The following PRKN variants were observed in gnomAD, a reference collection of about 807,000 sequenced individuals.
The protein encoded by PRKN is E3 ubiquitin-protein ligase parkin.
Under a neutral mutation model 59.5 loss-of-function variants are expected in PRKN, and 56 were observed. That is an observed-to-expected ratio of 0.94 (90% CI 0.76 to 1.18). The LOEUF (loss-of-function observed/expected upper bound fraction) is 1.18. PRKN is among the 50% of genes most tolerant of loss of function. The pLI is 0.00. For missense variants in PRKN, 657 were observed against 596.4 expected (o/e 1.10, Z -1.06); for synonymous variants, 250 against 222.1 (o/e 1.13, Z -1.12).
chr6:162,452,434 A>G (rs1283757734), intron 1 of PRKN, among the ~76,000 whole-genome samples: 2 of 152,080 alleles, frequency 1.3e-5, no homozygotes, highest in Admixed American at 6.5e-5. Context: ...TGGGGAGTTT[A>G]GAACATATAA....
chr6:161,709,872 T>A (rs960827867), intron 7 of PRKN, among the ~76,000 whole-genome samples: 3 of 152,210 alleles, frequency 2.0e-5, no homozygotes, highest in Non-Finnish European at 4.4e-5. Context: ...ACCTTAAATG[T>A]CTTTGGAATA....
chr6:162,405,561 G>A (rs373787987), intron 2 of PRKN, among the ~76,000 whole-genome samples: 4 of 152,240 alleles, frequency 2.6e-5, no homozygotes, highest in East Asian at 1.9e-4. Context: ...ACATTTACAT[G>A]CTAAAGCTCT....
intron 3 of PRKN, among the ~76,000 whole-genome samples, chr6:162,224,733 C>A (rs1311000006): frequency 4.6e-5 from 7 of 152,056 alleles, no homozygotes; most frequent in Non-Finnish European, 1.0e-4. Flanking sequence ...GGGCACGGAC[C>A]CACCCTGACC....
At position 161,483,174 on chromosome 6, in the gene PRKN, CAA is replaced by C. The variant is rs3032884; in HGVS notation, c.1083+65678_1083+65679del. ...CTCGTGACAACTAACAATTGTGTTT[CAA>C]AAAAAAAAAAAAAAACATGCATTGT... On this transcript the variant is annotated intron_variant, in intron 9 of 11. Transcript: ENST00000366898. The surrounding 1 kb of genome is among the most constrained non-coding windows in gnomAD (Gnocchi z 5.0). Among the ~76,000 whole-genome samples, 57,302 of 128,240 alleles carry C rather than the reference CAA, an allele frequency of 0.45. 13,404 individuals are homozygous for C. The highest frequency in any genetic ancestry group is 0.62 in the Middle Eastern group (148 of 238). The allele number at this position is 128,240 out of a possible 152,430, so 84.1% of individuals were successfully genotyped here.
chr6:162,015,475 T>C (rs1427770816), intron 5 of PRKN, among the ~76,000 whole-genome samples: 1 of 152,146 alleles, frequency 6.6e-6, no homozygotes, highest in Non-Finnish European at 1.5e-5. Context: ...GGCTGTAATA[T>C]TCTCCCGTTC....
chr6:161,520,032 T>C (rs1319100283), intron 9 of PRKN, among the ~76,000 whole-genome samples: 2 of 152,088 alleles, frequency 1.3e-5, no homozygotes, highest in Non-Finnish European at 2.9e-5. Context: ...TGAGGAAACT[T>C]GTGTTTCCAA....
chr6:162,591,219 C>T (rs746861230), intron 1 of PRKN, among the ~76,000 whole-genome samples: 7 of 149,328 alleles, frequency 4.7e-5, no homozygotes, highest in Non-Finnish European at 9.0e-5. Context: ...CAGAATGATA[C>T]TTTCTTTTTT....
intron 9 of PRKN, among the ~76,000 whole-genome samples, chr6:161,404,824 C>A (rs1305798546): frequency 6.6e-6 from 1 of 152,192 alleles, no homozygotes; most frequent in Non-Finnish European, 1.5e-5. Context: ...GCCACACCTG[C>A]CCCTTTATTG....
chr6:162,413,021 C>G (rs1788425007), intron 2 of PRKN, among the ~76,000 whole-genome samples: 1 of 152,058 alleles, frequency 6.6e-6, no homozygotes. Context: ...AAACCTGATA[C>G]CATGAAAACA....
chr6:161,914,481 T>G (rs1289447887), intron 6 of PRKN, among the ~76,000 whole-genome samples: 7 of 152,078 alleles, frequency 4.6e-5, no homozygotes, highest in Admixed American at 4.6e-4. Flanking sequence ...GAATAGGGAA[T>G]AAAGAAGACT....
rs34838356 is a variant in PRKN at position 162,414,726 on chromosome 6, A to AAAAAAAAAAAAAAAAT, written c.171+28583_171+28584insATTTTTTTTTTTTTTT. 2.3e-4 allele frequency among the ~76,000 whole-genome samples: 21 copies of AAAAAAAAAAAAAAAAT among 91,872 alleles called. 1 individual carries two copies. The highest frequency in any genetic ancestry group is 7.2e-4 in the African/African-American group (16 of 22,070). 60.3% of individuals were successfully genotyped at this position (91,872 alleles called of 152,430 possible). ...ACTCCGTCTCAAAAAAAAAAAAAAA[A>AAAAAAAAAAAAAAAAT]AGTGAATCTTTGAAGTTTTAAAATA... is the stretch of plus-strand genomic sequence containing the variant. On this transcript the variant is annotated intron_variant, in intron 2 of 11. Transcript: ENST00000366898.
In PRKN at chr6:161,592,827, C is replaced by T. The variant is rs1007125425; in HGVS notation, c.872-23411G>A. On this transcript the variant is annotated intron_variant, in intron 7 of 11. Transcript: ENST00000366898. This position sits in a 1 kb window ranked among gnomAD's most constrained non-coding sequence, Gnocchi z 4.8. ...GGTGCCGCCAGGATAGGAGGGCTGG[C>T]GGGAGAGGCAGGAGGTCACCGCAGG... Among the ~76,000 whole-genome samples, 3 of 152,008 alleles carry T rather than the reference C, an allele frequency of 2.0e-5. No individual in the cohort carries two copies. Among genetic ancestry groups the T allele is most frequent in the Non-Finnish European group, 4.4e-5 (3 of 68,004 alleles).
chr6:162,404,379 A>AAAAAG (rs1282786856), intron 2 of PRKN, among the ~76,000 whole-genome samples: 4 of 151,808 alleles, frequency 2.6e-5, no homozygotes, highest in African/African-American at 7.2e-5. Flanking sequence ...GAAAAAAAAA[A>AAAAAG]AAAGAAAGAA....
rs1439053565 is a variant in PRKN at position 161,463,290 on chromosome 6, G to A, written c.1084-76413C>T. ...CCCCTCCTCCCTTGTTACCAAGGATGCCAAAACTTTCCCAGCTTTCAGAAT... is the reference window on the plus strand; with the variant it reads ...CCCCTCCTCCCTTGTTACCAAGGATACCAAAACTTTCCCAGCTTTCAGAAT... On this transcript the variant is annotated intron_variant, in intron 9 of 11. Coordinates refer to ENST00000366898, the MANE Select transcript of PRKN (RefSeq NM_004562.3). The surrounding 1 kb of genome is among the most constrained non-coding windows in gnomAD (Gnocchi z 4.8). 2.6e-5 allele frequency among the ~76,000 whole-genome samples: 4 copies of A among 152,184 alleles called. No individual in the cohort carries two copies. The highest frequency in any genetic ancestry group is 9.7e-5 in the African/African-American group (4 of 41,440).
At position 161,372,670 on chromosome 6, in the gene PRKN, C is replaced by T. The variant is rs186927103; in HGVS notation, c.1168-12465G>A. Among the ~76,000 whole-genome samples, 103 of 152,222 alleles carry T rather than the reference C, an allele frequency of 6.8e-4. No individual in the cohort carries two copies. Among genetic ancestry groups the T allele is most frequent in the African/African-American group, 2.3e-3 (95 of 41,534 alleles). On this transcript the variant is annotated intron_variant, in intron 10 of 11. Transcript: ENST00000366898. This position sits in a 1 kb window ranked among gnomAD's most constrained non-coding sequence, Gnocchi z 4.2. The stretch of plus-strand genomic sequence containing the variant: ...GTGCTGTGGCTCCCCCACTACCCCT[C>T]TGGGTCTGAATCCATAGGTCTGGGA...
At chr6:161,542,264 C>T (rs898555067) in intron 9 of PRKN, among the ~76,000 whole-genome samples, 4 of 152,132 alleles carry the variant, frequency 2.6e-5, no homozygotes, top group African/African-American at 7.2e-5. Flanking sequence ...CAAGGCTTCC[C>T]GTCAACAGTG....
chr6:161,853,146 T>G (rs1264158994), intron 6 of PRKN, among the ~76,000 whole-genome samples: 2 of 152,202 alleles, frequency 1.3e-5, no homozygotes, highest in African/African-American at 4.8e-5. Flanking sequence ...CAGGTGGAGG[T>G]TATAAATTTG....
At chr6:162,599,032 C>T (rs1213831323) in intron 1 of PRKN, among the ~76,000 whole-genome samples, 1 of 152,066 alleles carries the variant, frequency 6.6e-6, no homozygotes, top group Non-Finnish European at 1.5e-5. Context: ...GCAAGTTTCA[C>T]ATATTATTTT....
At chr6:162,679,800 C>T (rs1181733418) in intron 1 of PRKN, among the ~76,000 whole-genome samples, 1 of 152,124 alleles carries the variant, frequency 6.6e-6, no homozygotes, top group Non-Finnish European at 1.5e-5. Context: ...GAGAGTTCTG[C>T]TCCCTGGGTG....
Sources: allele counts gnomAD v4.1 joint callset (sites outside exome capture counted in the v4.1 genomes callset), GRCh38; gene constraint gnomAD v4.1.1; non-coding constraint Gnocchi (gnomAD v3.1); transcripts MANE v1.5; gene names NCBI Gene and HGNC (gene_info 2026-07-23, HGNC 2026-07-21).